ANK2: variants seen among roughly 807,000 people sequenced by gnomAD.
ANK2 encodes ankyrin-2.
ANK2 carries 83 observed loss-of-function variants against 360.5 expected under a neutral mutation model. The ratio of observed to expected loss-of-function variants is 0.23; its 90% CI spans 0.19 to 0.28. The LOEUF is 0.28. Among genes scored for constraint, ANK2 ranks in the 10% least tolerant of loss-of-function variants. The pLI, the probability that ANK2 is intolerant of heterozygous loss-of-function variation, is 1.00. For missense variants in ANK2, 4,201 were observed against 4,795.7 expected (o/e 0.88, Z 3.66); for synonymous variants, 1,740 against 1,759.5 (o/e 0.99, Z 0.28).
intron 1 of ANK2, among the ~76,000 whole-genome samples, chr4:113,163,494 G>T (rs112080344): frequency 0.012 from 1,818 of 151,912 alleles, 26 homozygotes; most frequent in African/African-American, 0.042. Context: ...GCCGGGCACG[G>T]TGGCTCACTC....
At chr4:113,019,872 A>G (rs1303707810) in intron 2 of ANK2, among the ~76,000 whole-genome samples, 1 of 151,028 alleles carries the variant, frequency 6.6e-6, no homozygotes, top group South Asian at 2.1e-4. Flanking sequence ...TTTTTTTTTT[A>G]AACCTAGGCT....
chr4:113,272,985 AAATGT>A (rs1157758848), intron 14 of ANK2, among the ~76,000 whole-genome samples: 3 of 152,216 alleles, frequency 2.0e-5, no homozygotes, highest in Non-Finnish European at 4.4e-5. Context: ...TATAAATAAA[AAATGT>A]TTATTCTCCC....
At chr4:113,219,631 A>C (rs1375052212) in intron 4 of ANK2, among the ~76,000 whole-genome samples, 1 of 152,114 alleles carries the variant, frequency 6.6e-6, no homozygotes, top group African/African-American at 2.4e-5. Flanking sequence ...AAAATGATCC[A>C]CCTGCTTTTT....
chr4:113,358,451 C>T lies in ANK2; in HGVS notation c.9833C>T (p.Pro3278Leu), dbSNP rs1374406921. Residue 3278 changes from proline (P) to leucine (L), a missense_variant, in exon 38 of 46, where the codon CCA becomes CTA. Physicochemically the swap from Pro to Leu is moderately conservative, Grantham distance 98 (BLOSUM62 -3). Coordinates refer to ENST00000357077, the MANE Select transcript of ANK2 (RefSeq NM_001148.6). Reference sequence around the variant, plus strand: ...GGTGATGATTCTCCCGATTCTTCCCCAGAAGAACAGAAATCAGTAATCGAG... The same window carrying T: ...GGTGATGATTCTCCCGATTCTTCCCTAGAAGAACAGAAATCAGTAATCGAG... ...DRGDDSPDSS[P>L]EEQKSVIEIP... is the part of the protein sequence containing the mutation. The T allele has an allele frequency of 1.2e-6, 2 of 1,614,064 alleles. No individual in the cohort carries two copies. Among genetic ancestry groups the T allele is most frequent in the Admixed American group, 1.7e-5 (1 of 60,020 alleles).
At chr4:113,257,535 T>C (rs2050173573) in intron 11 of ANK2, among the ~76,000 whole-genome samples, 1 of 152,228 alleles carries the variant, frequency 6.6e-6, no homozygotes, top group Non-Finnish European at 1.5e-5. Context: ...TAATGATTTC[T>C]GCTGACTAGA....
chr4:112,931,960 T>A (rs2093283182), intron 2 of ANK2, among the ~76,000 whole-genome samples: 1 of 152,196 alleles, frequency 6.6e-6, no homozygotes, highest in African/African-American at 2.4e-5. Flanking sequence ...TTCAATTTAA[T>A]CCATATATTC....
the ANK2 span, among the ~76,000 whole-genome samples, chr4:112,724,556 T>TACAG: frequency 7.1e-6 from 1 of 141,666 alleles, no homozygotes; most frequent in East Asian, 2.2e-4. Flanking sequence ...CACACACACA[T>TACAG]ACACACACAC....
At chr4:113,170,254 T>A (rs953801763) in intron 1 of ANK2, among the ~76,000 whole-genome samples, 4 of 152,240 alleles carry the variant, frequency 2.6e-5, no homozygotes, top group African/African-American at 7.2e-5. Context: ...CACTCACTGC[T>A]AATGGTCAGT....
At chr4:113,186,291 A>C (rs983363766) in intron 2 of ANK2, among the ~76,000 whole-genome samples, 8 of 152,182 alleles carry the variant, frequency 5.3e-5, no homozygotes, top group Admixed American at 3.9e-4. Context: ...AAATTCCAGC[A>C]GACCTGCAGC....
the ANK2 span, among the ~76,000 whole-genome samples, chr4:112,786,119 G>A: frequency 2.6e-5 from 4 of 151,996 alleles, no homozygotes; most frequent in Non-Finnish European, 5.9e-5. Flanking sequence ...TGGGATTACA[G>A]GCATGAGCCA....
chr4:112,938,316 A>G (rs2093926103), intron 2 of ANK2, among the ~76,000 whole-genome samples: 2 of 152,192 alleles, frequency 1.3e-5, no homozygotes, highest in African/African-American at 4.8e-5. Context: ...GGACTTGAAC[A>G]CACATCTCTA....
At chr4:112,881,997 G>T in intron 1 of ANK2, 1 of 554,832 alleles carries the variant, frequency 1.8e-6, no homozygotes, top group Non-Finnish European at 3.3e-6. Flanking sequence ...CGGAGTGCTT[G>T]GTGCTTGCAT....
At chr4:113,300,221 A>C (rs539389649) in intron 22 of ANK2, among the ~76,000 whole-genome samples, 1 of 152,172 alleles carries the variant, frequency 6.6e-6, no homozygotes, top group Non-Finnish European at 1.5e-5. Flanking sequence ...TCTGAATAAA[A>C]CTATTTAAAT....
At chr4:112,885,171 C>T (rs1177470551) in intron 1 of ANK2, among the ~76,000 whole-genome samples, 1 of 152,100 alleles carries the variant, frequency 6.6e-6, no homozygotes, top group Non-Finnish European at 1.5e-5. Context: ...GACTTCCTTC[C>T]CTGTCCGTAA....
intron 2 of ANK2, among the ~76,000 whole-genome samples, chr4:112,948,495 C>G (rs1002822033): frequency 6.6e-6 from 1 of 152,072 alleles, no homozygotes; most frequent in Non-Finnish European, 1.5e-5. Context: ...TGAGCCAGAA[C>G]AGAATCCGGA....
In ANK2 at chr4:113,341,790, G is replaced by A. The variant is rs1442135640; in HGVS notation, c.3996G>A (p.Val1332=). ...ICVPYMAKFV[V]FAKSHDPIEA... is the part of the protein sequence containing the mutation. ...TACCTTATATGGCCAAATTTGTAGT[G>A]TTTGCCAAATCACATGACCCCATTG... Residue 1332 remains valine, a synonymous_variant, in exon 33 of 46, where the codon GTG becomes GTA. Transcript: ENST00000357077. 5.6e-6 allele frequency: 9 copies of A among 1,613,978 alleles called. No homozygotes were observed. Among genetic ancestry groups the A allele is most frequent in the Non-Finnish European group, 7.6e-6 (9 of 1,180,006 alleles).
chr4:113,102,214 A>C (rs2092965441), intron 1 of ANK2, among the ~76,000 whole-genome samples: 1 of 152,004 alleles, frequency 6.6e-6, no homozygotes, highest in Non-Finnish European at 1.5e-5. Context: ...ATGAAAAAAA[A>C]GTGTACATGG....
chr4:113,341,970 T>A, intron 33 of ANK2, 54 bp downstream of exon 33: 9 of 1,346,296 alleles, frequency 6.7e-6, no homozygotes, highest in Non-Finnish European at 9.5e-6. Flanking sequence ...ATACCTGCAT[T>A]AATAGATTAC....
chr4:113,374,691 T>A (rs1043211826), intron 45 of ANK2: 1 of 954,492 alleles, frequency 1.0e-6, no homozygotes, highest in East Asian at 9.4e-5. Context: ...CTTTGTTTTT[T>A]AACATAGAAA....
Sources: gnomAD v4.1 joint callset for allele counts (sites outside exome capture counted in the v4.1 genomes callset) on GRCh38, gnomAD v4.1.1 for gene constraint, MANE v1.5 for transcripts, NCBI Gene and HGNC (gene_info 2026-07-23, HGNC 2026-07-21) for gene names.